PRSS54: variants seen among roughly 807,000 people sequenced by gnomAD.
PRSS54 encodes the protein inactive serine protease 54.
A neutral mutation model predicts 19.9 loss-of-function variants in PRSS54; 16 were observed. That is an observed-to-expected ratio of 0.80 (90% confidence interval 0.54 to 1.22). The LOEUF (loss-of-function observed/expected upper bound fraction) is 1.22. Among genes scored for constraint, PRSS54 ranks in the 50% most tolerant of loss-of-function variants. The pLI, the probability that PRSS54 is intolerant of heterozygous loss-of-function variation, is 0.00. For synonymous variants in PRSS54, 177 were observed against 195.8 expected (o/e 0.90, Z 0.80); for missense variants, 444 against 494.8 (o/e 0.90, Z 0.97).
Position 58,286,133 on chromosome 16 carries a change from T to G in PRSS54, c.326A>C (p.Glu109Ala). 6.2e-7 allele frequency: 1 copy of G among 1,614,174 alleles called. No homozygotes were observed. The highest frequency in any genetic ancestry group is 8.5e-7 in the Non-Finnish European group (1 of 1,179,966). The part of the protein sequence containing the change: ...NMDPSKIAHT[E>A]YPVNTIIIHE... ...GATGATGATGGTATTGACTGGATAC[T>G]CTGTGTGAGCAATCTTGCTAGGATC... Residue 109 changes from glutamate to alanine, a missense_variant, in exon 5 of 7, where the codon GAG becomes GCG. Transcript: ENST00000567164.
intron 4 of PRSS54, 76 bp downstream of exon 4, chr16:58,290,883 A>G: frequency 2.0e-6 from 3 of 1,525,704 alleles, no homozygotes; most frequent in Non-Finnish European, 2.7e-6. Context: ...GGGCCTCCCC[A>G]GGCTGAGCAG....
Position 58,290,992 on chromosome 16 carries a change from C to T in PRSS54, c.230G>A (p.Trp77Ter). Residue 77 changes from tryptophan to a stop codon, truncating the protein, a stop_gained, in exon 4 of 7, where the codon TGG becomes TAG. Transcript: ENST00000567164. LOFTEE classifies it high-confidence loss of function. ...AATGGCGGATGCGATGCTGAGGACC[C>T]AGAACTCGCTCAGGATGCAGCCGAA... ...LAFGCILSEF[W>*]VLSIASAIQN... The T allele has an allele frequency of 6.2e-7, 1 of 1,614,232 alleles. No homozygotes were observed. The highest frequency in any genetic ancestry group is 1.1e-5 in the South Asian group (1 of 91,082).
At chr16:58,287,404 C>T (rs558084755) in intron 4 of PRSS54, among the ~76,000 whole-genome samples, 183 of 152,292 alleles carry the variant, frequency 1.2e-3, no homozygotes, top group Non-Finnish European at 2.2e-3. Context: ...ATAGGCAGCT[C>T]CTGCTGAGGT....
At chr16:58,285,879 A>G (rs72786155) in intron 5 of PRSS54, 58 bp downstream of exon 5, 169,942 of 1,594,796 alleles carry the variant, frequency 0.11, 9,411 homozygotes, top group Admixed American at 0.13. Flanking sequence ...TGGATTATCC[A>G]GGTCACCCCC....
Position 58,291,130 on chromosome 16 carries a change from C to A in PRSS54, c.92G>T (p.Gly31Val). Reference sequence around the variant, plus strand: ...GTAGAAAACGGAAGCTTTCTGGACGCCACAACCTGCGGAGCAGGTGCGGGG... The same window carrying A: ...GTAGAAAACGGAAGCTTTCTGGACGACACAACCTGCGGAGCAGGTGCGGGG... The part of the protein sequence containing the change: ...LGLLYSSTSC[G>V]VQKASVFYGP... Residue 31 changes from glycine (G) to valine (V), a missense_variant, in exon 4 of 7, where the codon GGC (glycine) becomes GTC (valine). Coordinates refer to ENST00000567164, the MANE Select transcript of PRSS54 (RefSeq NM_001305173.2). 4 of 1,613,806 alleles carry A rather than the reference C, an allele frequency of 2.5e-6. No homozygotes were observed. The highest frequency in any genetic ancestry group is 3.4e-6 in the Non-Finnish European group (4 of 1,179,960).
intron 3 of PRSS54, among the ~76,000 whole-genome samples, chr16:58,292,379 G>T (rs1035736819): frequency 6.6e-6 from 1 of 152,248 alleles, no homozygotes; most frequent in South Asian, 2.1e-4. Context: ...GACACAGGAA[G>T]TGTGCCCAAA....
At position 58,293,638 on chromosome 16, in the gene PRSS54, C is replaced by A; in HGVS notation, c.85+94G>T. 1 of 1,543,650 alleles carries A rather than the reference C, an allele frequency of 6.5e-7. No homozygotes were observed. The highest frequency in any genetic ancestry group is 8.7e-7 in the Non-Finnish European group (1 of 1,144,380). The stretch of plus-strand genomic sequence containing the variant: ...CGTGAGTCATCTTCCCTGAGCCCCT[C>A]CTTGGACATTAAGGACCACTTCATC... On this transcript the variant is annotated intron_variant, in intron 3 of 6. Coordinates refer to ENST00000567164, the MANE Select transcript of PRSS54 (RefSeq NM_001305173.2).
intron 5 of PRSS54, among the ~76,000 whole-genome samples, 193 bp downstream of exon 5, chr16:58,285,744 A>AAAAAAAAAAAAAAAAAG (rs146167626): frequency 1.3e-5 from 1 of 77,350 alleles, no homozygotes; most frequent in Non-Finnish European, 2.3e-5. Flanking sequence ...AAAAAAAAAA[A>AAAAAAAAAAAAAAAAAG]AAGAAGAAGA....
At chr16:58,292,470 GC>G in intron 3 of PRSS54, among the ~76,000 whole-genome samples, 1 of 152,278 alleles carries the variant, frequency 6.6e-6, no homozygotes, top group Middle Eastern at 3.4e-3. Context: ...TTGCATATGA[GC>G]CCCAAAAACA....
At chr16:58,287,066 C>T (rs1186171730) in intron 4 of PRSS54, among the ~76,000 whole-genome samples, 1 of 152,130 alleles carries the variant, frequency 6.6e-6, no homozygotes, top group Admixed American at 6.5e-5. Context: ...ATAAGGCCGT[C>T]ACAGGAGAAC....
chr16:58,289,818 C>T (rs72786174), intron 4 of PRSS54, among the ~76,000 whole-genome samples: 12,615 of 152,058 alleles, frequency 0.083, 689 homozygotes, highest in Admixed American at 0.12. Context: ...CTCAAGTGAT[C>T]CGCCCGTCTC....
Position 58,284,664 on chromosome 16 carries a change from TGTC to T in PRSS54, c.577_579del (p.Asp193del). The T allele has an allele frequency of 6.2e-7, 1 of 1,614,122 alleles. No homozygotes were observed. Among genetic ancestry groups the T allele is most frequent in the South Asian group, 1.1e-5 (1 of 91,076 alleles). Reference sequence around the variant, plus strand: ...TTCTGGAGTTTGTATAGGGGACACATGTCAAGATCTTTCACGAAGATTTTCCTC... The same window carrying T: ...TTCTGGAGTTTGTATAGGGGACACATAAGATCTTTCACGAAGATTTTCCTC... On this transcript the variant is annotated inframe_deletion, in exon 6 of 7. Transcript: ENST00000567164.
Position 58,280,114 on chromosome 16 carries a change from G to T in PRSS54, c.*110C>A, listed in dbSNP as rs193248884. 8.0e-6 allele frequency: 9 copies of T among 1,122,088 alleles called. No homozygotes were observed. The South Asian group carries it at 1.2e-4, about 15-fold the overall frequency. The allele number at this position is 1,122,088 out of a possible 1,614,324, so 69.5% of individuals were successfully genotyped here. A position where few individuals can be genotyped will look rare whatever the true frequency, so the allele number is the denominator to read the frequency against. On this transcript the variant is annotated 3_prime_UTR_variant, in exon 7 of 7. Coordinates refer to ENST00000567164, the MANE Select transcript of PRSS54 (RefSeq NM_001305173.2). ...CCCAGTGTATGCCATGGGCTTATCC[G>T]TGGCAGCCCCAGTGTGCAACTATCA... is the stretch of plus-strand genomic sequence containing the variant.
chr16:58,284,922 C>A (rs777543949), intron 5 of PRSS54, among the ~76,000 whole-genome samples: 2 of 151,536 alleles, frequency 1.3e-5, no homozygotes, highest in African/African-American at 2.4e-5. Flanking sequence ...TCAAGCAATT[C>A]TCCTGCCTCA....
intron 6 of PRSS54, chr16:58,282,697 T>A (rs1964800519): frequency 6.6e-6 from 1 of 152,246 alleles, no homozygotes; most frequent in Non-Finnish European, 1.5e-5. Flanking sequence ...AATTGACTGG[T>A]GAAGAGGCCC....
chr16:58,288,642 G>T (rs997204581), intron 4 of PRSS54, among the ~76,000 whole-genome samples: 9 of 151,938 alleles, frequency 5.9e-5, no homozygotes, highest in African/African-American at 2.2e-4. Context: ...CTACTCCTGG[G>T]ATATCTACAC....
Position 58,285,922 on chromosome 16 carries a change from GAGGAATGCCTTAACTGC to G in PRSS54, c.520_522+14del. 1 of 1,613,260 alleles carries G rather than the reference GAGGAATGCCTTAACTGC, an allele frequency of 6.2e-7. No homozygotes were observed. The highest frequency in any genetic ancestry group is 8.5e-7 in the Non-Finnish European group (1 of 1,179,538). The stretch of plus-strand genomic sequence containing the variant: ...GCACACACGCAGCCTTCTCTGGGAG[GAGGAATGCCTTAACTGC>G]AGATGTGGGATTCCATCCTGACACC... On this transcript the variant is annotated splice_donor_variant and splice_donor_5th_base_variant and coding_sequence_variant and intron_variant, in exon 5 of 7. Transcript: ENST00000567164.
At chr16:58,293,023 C>T (rs1356481814) in intron 3 of PRSS54, among the ~76,000 whole-genome samples, 3 of 151,960 alleles carry the variant, frequency 2.0e-5, no homozygotes, top group African/African-American at 7.3e-5. Context: ...TGGAGGACTC[C>T]CCTCTATGTG....
At chr16:58,294,478 G>A (rs953498376) in intron 1 of PRSS54, among the ~76,000 whole-genome samples, 2 of 152,172 alleles carry the variant, frequency 1.3e-5, no homozygotes, top group Non-Finnish European at 2.9e-5. Context: ...AGCTTCCTGA[G>A]TAGCTGGGAC....
Sources: allele counts gnomAD v4.1 joint callset (sites outside exome capture counted in the v4.1 genomes callset), GRCh38; gene constraint gnomAD v4.1.1; transcripts MANE v1.5; gene names NCBI Gene and HGNC (gene_info 2026-07-23, HGNC 2026-07-21).